The following KCNH7 variants were observed in gnomAD, a reference collection of about 807,000 sequenced individuals.
The protein encoded by KCNH7 is voltage-gated inwardly rectifying potassium channel KCNH7.
Under a neutral mutation model 120.8 loss-of-function variants are expected in KCNH7, and 49 were observed. The ratio of observed to expected loss-of-function variants is 0.41; its 90% confidence interval spans 0.32 to 0.51. The LOEUF (loss-of-function observed/expected upper bound fraction) is 0.51, where lower values mean the gene tolerates loss of function less well. Among genes scored for constraint, KCNH7 ranks in the 20% least tolerant of loss-of-function variants. The pLI, the probability that KCNH7 is intolerant of heterozygous loss-of-function variation, is 0.38. For synonymous variants in KCNH7, 547 were observed against 516.1 expected (o/e 1.06, Z -0.81); for missense variants, 1,097 against 1,446.6 (o/e 0.76, Z 3.92).
intron 2 of KCNH7, among the ~76,000 whole-genome samples, chr2:162,558,510 T>G (rs527468824): frequency 6.7e-6 from 1 of 149,642 alleles, no homozygotes; most frequent in East Asian, 2.0e-4. Flanking sequence ...TGGCTTTTTT[T>G]TTTTTTTTTT....
chr2:162,560,402 G>T (rs1028409090), intron 2 of KCNH7, among the ~76,000 whole-genome samples: 4 of 152,150 alleles, frequency 2.6e-5, no homozygotes, highest in African/African-American at 9.7e-5. Context: ...TAGACTCAAG[G>T]ACATTTCAGA....
intron 2 of KCNH7, among the ~76,000 whole-genome samples, chr2:162,567,088 A>G (rs756445560): frequency 6.6e-6 from 1 of 152,034 alleles, no homozygotes; most frequent in African/African-American, 2.4e-5. Context: ...AGAAGATATC[A>G]TTGTTGAGTT....
chr2:162,563,880 C>T (rs941795043), intron 2 of KCNH7, among the ~76,000 whole-genome samples: 3 of 152,134 alleles, frequency 2.0e-5, no homozygotes, highest in African/African-American at 7.2e-5. Context: ...CTGGTGTGTA[C>T]AGCAATGATT....
intron 6 of KCNH7, among the ~76,000 whole-genome samples, chr2:162,476,512 G>C (rs900213323): frequency 6.6e-6 from 1 of 151,948 alleles, no homozygotes; most frequent in Non-Finnish European, 1.5e-5. Context: ...TTAAAATAAA[G>C]GTTATGAATC....
At position 162,372,017 on chromosome 2, in the gene KCNH7, C is replaced by T; in HGVS notation, c.3403G>A (p.Ala1135Thr). Residue 1135 changes from alanine to threonine, a missense_variant, in exon 16 of 16, where the codon GCT (alanine) becomes ACT (threonine). Ala to Thr is a moderately conservative substitution (Grantham distance 58). Around this residue, in one of 8 missense-constraint regions of KCNH7, gnomAD observed 406 missense variants for 410.5 expected, o/e 0.99. Coordinates refer to ENST00000332142, the MANE Select transcript of KCNH7 (RefSeq NM_033272.4). ...SLSSGVHLNT[A>T]SEDNLTSLLK... is the part of the protein sequence containing the mutation. ...AGTGAAGTCAAGTTGTCTTCTGAAG[C>T]TGTGTTCAGATGCACCCCACTTGAA... 6.2e-7 allele frequency: 1 copy of T among 1,612,600 alleles called. No individual in the cohort carries two copies. Among genetic ancestry groups the T allele is most frequent in the Non-Finnish European group, 8.5e-7 (1 of 1,178,768 alleles).
chr2:162,431,594 T>C (rs1395756437), intron 8 of KCNH7, among the ~76,000 whole-genome samples: 1 of 151,964 alleles, frequency 6.6e-6, no homozygotes, highest in African/African-American at 2.4e-5. Context: ...ATTTCCTGTG[T>C]GACATAAAGC....
intron 2 of KCNH7, among the ~76,000 whole-genome samples, chr2:162,660,871 G>A (rs1684935394): frequency 6.6e-6 from 1 of 152,100 alleles, no homozygotes; most frequent in Non-Finnish European, 1.5e-5. Flanking sequence ...CTACTTCAAG[G>A]TGGGACTGAG....
intron 5 of KCNH7, among the ~76,000 whole-genome samples, chr2:162,511,004 T>C (rs1691053902): frequency 6.6e-6 from 1 of 151,774 alleles, no homozygotes; most frequent in Admixed American, 6.6e-5. Flanking sequence ...GGTTTAGAGA[T>C]TTGTAATGCC....
intron 2 of KCNH7, among the ~76,000 whole-genome samples, chr2:162,621,818 C>G (rs1345475296): frequency 6.6e-6 from 1 of 151,996 alleles, no homozygotes; most frequent in Non-Finnish European, 1.5e-5. Context: ...AAAATTGAAA[C>G]AGGTTTATTT....
intron 11 of KCNH7, among the ~76,000 whole-genome samples, 190 bp from the exon 12 acceptor site, chr2:162,394,675 T>C (rs1402453617): frequency 1.3e-5 from 2 of 151,942 alleles, no homozygotes; most frequent in Non-Finnish European, 2.9e-5. Context: ...GATAGAATAA[T>C]TTTTAGTACT....
At chr2:162,442,416 C>T (rs575225305) in intron 7 of KCNH7, among the ~76,000 whole-genome samples, 1 of 151,984 alleles carries the variant, frequency 6.6e-6, no homozygotes, top group Non-Finnish European at 1.5e-5. Flanking sequence ...AATATAGATA[C>T]AAAGTTGATT....
At chr2:162,692,463 C>T (rs985298962) in intron 2 of KCNH7, among the ~76,000 whole-genome samples, 12 of 152,052 alleles carry the variant, frequency 7.9e-5, no homozygotes, top group Non-Finnish European at 2.9e-5. Flanking sequence ...AAACATACTT[C>T]TGCATCTGGA....
intron 2 of KCNH7, among the ~76,000 whole-genome samples, chr2:162,660,374 T>G (rs1485587175): frequency 1.3e-5 from 2 of 152,164 alleles, no homozygotes; most frequent in Non-Finnish European, 2.9e-5. Flanking sequence ...AAATTTCTTG[T>G]TTGACCCATG....
At chr2:162,458,375 C>T (rs1001542404) in intron 6 of KCNH7, among the ~76,000 whole-genome samples, 1 of 152,036 alleles carries the variant, frequency 6.6e-6, no homozygotes, top group African/African-American at 2.4e-5. Flanking sequence ...GAGCCATAAA[C>T]TTAACTCCAA....
At chr2:162,392,920 G>T in intron 12 of KCNH7, among the ~76,000 whole-genome samples, 1 of 151,918 alleles carries the variant, frequency 6.6e-6, no homozygotes, top group East Asian at 1.9e-4. Flanking sequence ...GTCCAGTGTG[G>T]AATAGATGAG....
At chr2:162,450,124 T>C (rs1688718142) in intron 6 of KCNH7, among the ~76,000 whole-genome samples, 1 of 152,120 alleles carries the variant, frequency 6.6e-6, no homozygotes, top group Non-Finnish European at 1.5e-5. Context: ...ATTCTTAATG[T>C]GAACTCTGTT....
chr2:162,410,288 C>T (rs572795496), intron 9 of KCNH7, among the ~76,000 whole-genome samples: 2 of 151,816 alleles, frequency 1.3e-5, no homozygotes, highest in East Asian at 3.9e-4. Context: ...CATACAGCCA[C>T]CTGATTTTCA....
At chr2:162,805,999 G>T (rs538096357) in intron 2 of KCNH7, among the ~76,000 whole-genome samples, 1 of 152,058 alleles carries the variant, frequency 6.6e-6, no homozygotes, top group South Asian at 2.1e-4. Context: ...ACCAAATACC[G>T]TATGTTCTCA....
chr2:162,418,426 A>C (rs1687601759), intron 9 of KCNH7, among the ~76,000 whole-genome samples: 1 of 152,136 alleles, frequency 6.6e-6, no homozygotes, highest in Non-Finnish European at 1.5e-5. Context: ...GGGAGATGAA[A>C]GCTATACAGT....
Sources: gnomAD v4.1 joint callset for allele counts (sites outside exome capture counted in the v4.1 genomes callset) on GRCh38, gnomAD v4.1.1 for gene constraint, gnomAD v4.1.1 regional missense constraint, MANE v1.5 for transcripts, NCBI Gene and HGNC (gene_info 2026-07-23, HGNC 2026-07-21) for gene names.